Variants in PCDHGB4 observed in about 807,000 individuals in gnomAD.
PCDHGB4 encodes the protein protocadherin gamma subfamily B, 4, also known as protocadherin gamma-B4.
PCDHGB4 carries 38 observed loss-of-function variants against 60.5 expected under a neutral mutation model. The observed-to-expected ratio is 0.63, with a 90% CI of 0.48 to 0.82. PCDHGB4 has a LOEUF of 0.82. Ranked by LOEUF, PCDHGB4 falls within the 40% of genes least tolerant of loss-of-function variation. The probability of loss-of-function intolerance (pLI) is 0.00; values close to 1 mark genes in which losing one functional copy is unlikely to be tolerated. For missense variants in PCDHGB4, 1,109 were observed against 1,209.6 expected (o/e 0.92, Z 1.23); for synonymous variants, 456 against 509.7 (o/e 0.89, Z 1.42).
rs747132868 is a variant in PCDHGB4 at position 141,431,424 on chromosome 5, G to C, written c.2397+41143G>C. ...GCCTCCGACGGGGGCGACCCGGTGC[G>C]CACAGGCACCGCGCGCATCCGCGTG... On this transcript the variant is annotated intron_variant, in intron 1 of 3. Coordinates refer to ENST00000519479, the MANE Select transcript of PCDHGB4 (RefSeq NM_003736.4). This position sits in a 1 kb window ranked among gnomAD's most constrained non-coding sequence, Gnocchi z 4.8. The C allele has an allele frequency of 6.2e-7, 1 of 1,613,558 alleles. No individual in the cohort carries two copies. The highest frequency in any genetic ancestry group is 1.1e-5 in the South Asian group (1 of 91,082).
At position 141,476,851 on chromosome 5, in the gene PCDHGB4, C is replaced by T; in HGVS notation, c.2398-17956C>T. ...CGAATGACAATGCGCCTGTCTTCAA[C>T]CAGTCCTTGTACCGGGCGCGCGTCC... On this transcript the variant is annotated intron_variant, in intron 1 of 3. Transcript: ENST00000519479. This position sits in a 1 kb window ranked among gnomAD's most constrained non-coding sequence, Gnocchi z 7.6. The T allele has an allele frequency of 6.2e-7, 1 of 1,613,836 alleles. No individual in the cohort carries two copies. Among genetic ancestry groups the T allele is most frequent in the Non-Finnish European group, 8.5e-7 (1 of 1,180,046 alleles).
At position 141,421,580 on chromosome 5, in the gene PCDHGB4, A is replaced by G. The variant is rs375319424; in HGVS notation, c.2397+31299A>G. ...CTCGTGGAAGACACCTTGAAGATTT[A>G]CGGAGTGGAGGTGGAAATAATAGAT... On this transcript the variant is annotated intron_variant, in intron 1 of 3. Transcript: ENST00000519479. The G allele has an allele frequency of 1.1e-5, 17 of 1,613,782 alleles. No individual in the cohort carries two copies. In the East Asian group the frequency reaches 2.7e-4, roughly 25 times the overall value.
chr5:141,429,314 C>A (rs1463397731), intron 1 of PCDHGB4, among the ~76,000 whole-genome samples: 2 of 151,722 alleles, frequency 1.3e-5, no homozygotes, highest in Admixed American at 6.6e-5. Flanking sequence ...GTATATAAGG[C>A]TTTTTCTTTA....
chr5:141,394,748 C>G (rs960054108), intron 1 of PCDHGB4: 7 of 1,613,296 alleles, frequency 4.3e-6, no homozygotes, highest in Non-Finnish European at 5.9e-6. Flanking sequence ...TCGTGGTGGC[C>G]GTCCAGGACC....
chr5:141,436,309 T>C (rs1228417864), intron 1 of PCDHGB4, among the ~76,000 whole-genome samples: 1 of 152,198 alleles, frequency 6.6e-6, no homozygotes, highest in Non-Finnish European at 1.5e-5. Flanking sequence ...AGAGCATGAA[T>C]AGTCAAGACT....
intron 1 of PCDHGB4, chr5:141,429,251 A>C (rs2097199889): frequency 6.6e-6 from 1 of 151,884 alleles, no homozygotes; most frequent in Non-Finnish European, 1.5e-5. Context: ...GAGATATTTT[A>C]ATTGAGGAAT....
At chr5:141,498,971 G>GGGAGGGAAGGAAGGAAGGAAGGAA (rs2099787588) in intron 2 of PCDHGB4, among the ~76,000 whole-genome samples, 6 of 110,972 alleles carry the variant, frequency 5.4e-5, no homozygotes, top group Admixed American at 5.3e-4. Flanking sequence ...GAGGGAGGGA[G>GGGAGGGAAGGAAGGAAGGAAGGAA]GGAAGGAAGG....
chr5:141,460,921 T>C (rs984603258), intron 1 of PCDHGB4, among the ~76,000 whole-genome samples: 4 of 151,276 alleles, frequency 2.6e-5, no homozygotes, highest in African/African-American at 9.7e-5. Flanking sequence ...TGTATATATA[T>C]ATATGTGTGT....
rs922804811 is a variant in PCDHGB4 at position 141,432,794 on chromosome 5, G to A, written c.2397+42513G>A. On this transcript the variant is annotated intron_variant, in intron 1 of 3. Coordinates refer to ENST00000519479, the MANE Select transcript of PCDHGB4 (RefSeq NM_003736.4). This position sits in a 1 kb window ranked among gnomAD's most constrained non-coding sequence, Gnocchi z 6.0. ...AGTCCTGGCGGACCTCGGCAGCCTC[G>A]AGTCTCCAGCTAACTCTGAAACCTC... The A allele has an allele frequency of 3.7e-6, 6 of 1,614,138 alleles. No homozygotes were observed. Among genetic ancestry groups the A allele is most frequent in the Non-Finnish European group, 5.1e-6 (6 of 1,180,000 alleles).
Position 141,491,897 on chromosome 5 carries a change from C to G in PCDHGB4, c.2398-2910C>G. The stretch of plus-strand genomic sequence containing the variant: ...GATTAAGGGATGGGGCTCCGAGCAC[C>G]GGGGGTGGTGGCGACTGTGGGCGAG... On this transcript the variant is annotated intron_variant, in intron 1 of 3. Transcript: ENST00000519479. This position sits in a 1 kb window ranked among gnomAD's most constrained non-coding sequence, Gnocchi z 6.9. 7 of 1,432,534 alleles carry G rather than the reference C, an allele frequency of 4.9e-6. No homozygotes were observed. The highest frequency in any genetic ancestry group is 6.5e-6 in the Non-Finnish European group (7 of 1,082,898). 88.7% of individuals were successfully genotyped at this position (1,432,534 alleles called of 1,614,324 possible).
chr5:141,410,158 G>A (rs755466762), intron 1 of PCDHGB4: 1 of 1,613,398 alleles, frequency 6.2e-7, no homozygotes, highest in Admixed American at 1.7e-5. Flanking sequence ...GTGGACAGCC[G>A]CCACTCTCTG....
intron 1 of PCDHGB4, among the ~76,000 whole-genome samples, chr5:141,445,357 G>C (rs115045385): frequency 0.013 from 1,909 of 152,252 alleles, 31 homozygotes; most frequent in African/African-American, 0.044. Flanking sequence ...GTCTGCCCAA[G>C]TCTGGTCCTG....
chr5:141,448,706 C>G (rs1344013319), intron 1 of PCDHGB4, among the ~76,000 whole-genome samples: 1 of 151,732 alleles, frequency 6.6e-6, no homozygotes, highest in African/African-American at 2.4e-5. Context: ...TTTGGGAGGC[C>G]GAGGCGGGAG....
In PCDHGB4 at chr5:141,486,702, T is replaced by C; in HGVS notation, c.2398-8105T>C. On this transcript the variant is annotated intron_variant, in intron 1 of 3. Coordinates refer to ENST00000519479, the MANE Select transcript of PCDHGB4 (RefSeq NM_003736.4). The surrounding 1 kb of genome is among the most constrained non-coding windows in gnomAD (Gnocchi z 5.0). ...GTATCAGCTTCCTCTTTCATCTCTC[T>C]GAACCCCCAGACAGGAGCTGTTCAT... is the stretch of plus-strand genomic sequence containing the variant. 3 of 1,614,218 alleles carry C rather than the reference T, an allele frequency of 1.9e-6. No homozygotes were observed. Among genetic ancestry groups the C allele is most frequent in the Non-Finnish European group, 2.5e-6 (3 of 1,180,040 alleles).
intron 1 of PCDHGB4, chr5:141,478,825 T>G: frequency 1.4e-6 from 2 of 1,441,878 alleles, no homozygotes; most frequent in East Asian, 5.0e-5. Context: ...TAACCAATCT[T>G]GCTAAGGGAT....
At chr5:141,458,774 A>G (rs2154566349) in intron 1 of PCDHGB4, among the ~76,000 whole-genome samples, 1 of 151,812 alleles carries the variant, frequency 6.6e-6, no homozygotes, top group Admixed American at 6.6e-5. Flanking sequence ...GCTGTGTCAC[A>G]CAGGCTGGAG....
intron 3 of PCDHGB4, among the ~76,000 whole-genome samples, chr5:141,510,639 T>TATCA (rs998925545): frequency 1.4e-4 from 22 of 152,300 alleles, no homozygotes; most frequent in African/African-American, 4.6e-4. Context: ...TGGTTACCAT[T>TATCA]ATCATCCCCA....
intron 1 of PCDHGB4, among the ~76,000 whole-genome samples, chr5:141,406,775 CACTT>C (rs2094850405): frequency 6.6e-6 from 1 of 152,200 alleles, no homozygotes; most frequent in Non-Finnish European, 1.5e-5. Context: ...ATATTTCTCT[CACTT>C]ATATATTATT....
chr5:141,502,446 C>T (rs541278139), intron 2 of PCDHGB4, among the ~76,000 whole-genome samples: 1 of 152,098 alleles, frequency 6.6e-6, no homozygotes, highest in South Asian at 2.1e-4. Context: ...ATTCAGATTA[C>T]ACACCTTGGT....
Sources: allele counts gnomAD v4.1 joint callset (sites outside exome capture counted in the v4.1 genomes callset), GRCh38; gene constraint gnomAD v4.1.1; non-coding constraint Gnocchi (gnomAD v3.1); transcripts MANE v1.5; gene names NCBI Gene and HGNC (gene_info 2026-07-23, HGNC 2026-07-21).